The following ANAPC7 variants were observed in gnomAD, a reference collection of about 807,000 sequenced individuals.
ANAPC7 encodes anaphase-promoting complex subunit 7.
Under a neutral mutation model 63.3 loss-of-function variants are expected in ANAPC7, and 25 were observed. The observed-to-expected ratio is 0.39, with a 90% CI of 0.29 to 0.55. The LOEUF (loss-of-function observed/expected upper bound fraction) is 0.55, where lower values mean the gene tolerates loss of function less well. Ranked by LOEUF, ANAPC7 falls within the 20% of genes least tolerant of loss-of-function variation. ANAPC7 has a pLI of 0.57. For synonymous variants in ANAPC7, 241 were observed against 251.7 expected (o/e 0.96, Z 0.40); for missense variants, 516 against 691.7 (o/e 0.75, Z 2.85).
At chr12:110,384,860 G>T (rs1249040797) in intron 6 of ANAPC7, among the ~76,000 whole-genome samples, 1 of 152,134 alleles carries the variant, frequency 6.6e-6, no homozygotes, top group Non-Finnish European at 1.5e-5. Context: ...TCTCTTCCCA[G>T]AGTTCTAGAC....
At chr12:110,377,859 G>T in intron 8 of ANAPC7, 1 of 1,378,304 alleles carries the variant, frequency 7.3e-7, no homozygotes, top group Non-Finnish European at 9.4e-7. Flanking sequence ...GTTTAGGGAA[G>T]GAAACAAGCA....
rs1214983315 is a variant in ANAPC7, at chr12:110,389,982, A to T, written c.409-1359T>A. ...AAACAAAAAAAAAGCCAGAAAATCT[A>T]AAAGTTCCTAAGAATGTAGAAGTTA... On this transcript the variant is annotated intron_variant, in intron 3 of 10. Coordinates refer to ENST00000455511, the MANE Select transcript of ANAPC7 (RefSeq NM_016238.3). Among the ~76,000 whole-genome samples the T allele has an allele frequency of 3.3e-5, 5 of 152,316 alleles. No individual in the cohort carries two copies. In the Middle Eastern group the frequency reaches 0.01, roughly 311 times the overall value.
chr12:110,377,891 G>A (rs1299994035), intron 8 of ANAPC7: 2 of 1,174,416 alleles, frequency 1.7e-6, no homozygotes, highest in African/African-American at 3.1e-5. Flanking sequence ...CCTGCAGCAT[G>A]TGAGCACCCC....
At chr12:110,381,150 C>T (rs1172353048) in intron 8 of ANAPC7, among the ~76,000 whole-genome samples, 2 of 151,848 alleles carry the variant, frequency 1.3e-5, no homozygotes, top group African/African-American at 4.8e-5. Flanking sequence ...GGTGACAAAT[C>T]CAGTGAAAGC....
At position 110,373,070 on chromosome 12, in the gene ANAPC7, C is replaced by G. The variant is rs1349866948; in HGVS notation, c.*1074G>C. 1 of 152,154 alleles carries G rather than the reference C, an allele frequency of 6.6e-6. No individual in the cohort carries two copies. The highest frequency in any genetic ancestry group is 1.5e-5 in the Non-Finnish European group (1 of 68,022). 9.4% of individuals were successfully genotyped at this position (152,154 alleles called of 1,614,324 possible). On this transcript the variant is annotated 3_prime_UTR_variant, in exon 11 of 11. Coordinates refer to ENST00000455511, the MANE Select transcript of ANAPC7 (RefSeq NM_016238.3). Reference sequence around the variant, plus strand: ...GGGATTAGCTGTGACACCCACCCCTCACCTCCGATTAATTGTATACTCAGA... The same window carrying G: ...GGGATTAGCTGTGACACCCACCCCTGACCTCCGATTAATTGTATACTCAGA...
At chr12:110,375,684 T>C (rs2137913435) in intron 10 of ANAPC7, 2 of 947,746 alleles carry the variant, frequency 2.1e-6, no homozygotes, top group Non-Finnish European at 2.5e-6. Context: ...AAGTTCTTAA[T>C]GACTACAGTA....
Position 110,376,152 on chromosome 12 carries a change from G to A in ANAPC7, c.1422C>T (p.Asp474=). Residue 474 remains aspartate (D), a synonymous_variant, in exon 10 of 11, where the codon GAC becomes GAT. Transcript: ENST00000455511. ...CTCCTAGGATCCGATGCAGGACACA[G>A]TCACTCTGATTAGCCAGTGCGTTCC... ...LLRNALANQS[D]CVLHRILGDF... 6.2e-7 allele frequency: 1 copy of A among 1,614,124 alleles called. No individual in the cohort carries two copies. Among genetic ancestry groups the A allele is most frequent in the South Asian group, 1.1e-5 (1 of 91,082 alleles).
In ANAPC7 at chr12:110,386,371, A is replaced by C. The variant is rs1882452162; in HGVS notation, c.773T>G (p.Leu258Arg). The change falls in exon 6 of 11, where the codon CTC becomes CGC. Residue 258 changes from leucine (L) to arginine (R), a missense_variant. By Grantham distance (102) the Leu-to-Arg change is moderately radical. Transcript: ENST00000455511. ...FRAGDNKNSV[L>R]KFEQAQMLDP... is the part of the protein sequence containing the mutation. ...CAACATCTGTGCCTGTTCAAACTTGAGGACAGAGTTTTTATTGTCTCCAGC... is the reference window on the plus strand; with the variant it reads ...CAACATCTGTGCCTGTTCAAACTTGCGGACAGAGTTTTTATTGTCTCCAGC... The C allele has an allele frequency of 1.2e-6, 2 of 1,614,134 alleles. No individual in the cohort carries two copies. Among genetic ancestry groups the C allele is most frequent in the Non-Finnish European group, 1.7e-6 (2 of 1,180,030 alleles).
Position 110,381,026 on chromosome 12 carries a change from G to A in ANAPC7, c.1132+726C>T, listed in dbSNP as rs73417366. On this transcript the variant is annotated intron_variant, in intron 8 of 10. Coordinates refer to ENST00000455511, the MANE Select transcript of ANAPC7 (RefSeq NM_016238.3). ...CAGAGAGATTCATATTAATGAGTACGCCACACTGGATGGGGGCGAGCGGTG... is the reference window on the plus strand; with the variant it reads ...CAGAGAGATTCATATTAATGAGTACACCACACTGGATGGGGGCGAGCGGTG... 2.5e-3 allele frequency among the ~76,000 whole-genome samples: 378 copies of A among 150,622 alleles called. 1 individual carries two copies. The highest frequency in any genetic ancestry group is 8.4e-3 in the African/African-American group (346 of 41,004).
intron 1 of ANAPC7, among the ~76,000 whole-genome samples, chr12:110,400,421 C>T (rs2062212156): frequency 1.3e-5 from 2 of 152,130 alleles, no homozygotes; most frequent in African/African-American, 4.8e-5. Context: ...TATTCCTATT[C>T]CACAAGAAAT....
rs771659945 is a variant in ANAPC7 at position 110,396,399 on chromosome 12, G to A, written c.155C>T (p.Ser52Phe). ...CCGATATTCCTTATCATGAAAGAGA[G>A]AATCTGCATGATACACCAAAAGCTG... ...KYQLLVYHAD[S>F]LFHDKEYRNA... Residue 52 changes from serine (S) to phenylalanine (F), a missense_variant, in exon 2 of 11, where the codon TCT (serine) becomes TTT (phenylalanine). Ser to Phe is a radical substitution (Grantham distance 155). Transcript: ENST00000455511. The A allele has an allele frequency of 6.2e-7, 1 of 1,613,804 alleles. No individual in the cohort carries two copies. The highest frequency in any genetic ancestry group is 8.5e-7 in the Non-Finnish European group (1 of 1,179,900).
intron 4 of ANAPC7, 123 bp from the exon 5 acceptor site, chr12:110,388,015 A>T: frequency 1.0e-6 from 1 of 989,624 alleles, no homozygotes; most frequent in Non-Finnish European, 1.5e-6. Flanking sequence ...TGAGCGATGC[A>T]TGAGAGAAAA....
intron 9 of ANAPC7, among the ~76,000 whole-genome samples, chr12:110,376,428 G>A (rs1343249653): frequency 6.6e-6 from 1 of 151,688 alleles, no homozygotes; most frequent in Non-Finnish European, 1.5e-5. Flanking sequence ...AATTAGCCGG[G>A]CTTGGTGGCA....
intron 10 of ANAPC7, among the ~76,000 whole-genome samples, chr12:110,374,859 C>T (rs947380756): frequency 2.6e-5 from 4 of 152,132 alleles, no homozygotes; most frequent in African/African-American, 7.2e-5. Context: ...ACCCCAGGAC[C>T]CAAGGCTACC....
Position 110,381,796 on chromosome 12 carries a change from C to G in ANAPC7, c.1088G>C (p.Arg363Pro). 1 of 1,613,862 alleles carries G rather than the reference C, an allele frequency of 6.2e-7. No homozygotes were observed. Among genetic ancestry groups the G allele is most frequent in the Non-Finnish European group, 8.5e-7 (1 of 1,179,992 alleles). The change falls in exon 8 of 11, where the codon CGG becomes CCG. Residue 363 changes from arginine (R) to proline (P), a missense_variant. Transcript: ENST00000455511. ...ACAAGGTGCGAGCCGTATGGCCTCCCGAAAGTGGATTATTGCTTCTTGGAC... is the reference window on the plus strand; with the variant it reads ...ACAAGGTGCGAGCCGTATGGCCTCCGGAAAGTGGATTATTGCTTCTTGGAC... ...GRVQEAIIHF[R>P]EAIRLAPCRL...
intron 3 of ANAPC7, among the ~76,000 whole-genome samples, chr12:110,394,620 C>G (rs1389328416): frequency 6.9e-6 from 1 of 145,814 alleles, no homozygotes; most frequent in Non-Finnish European, 1.5e-5. Context: ...TGCAGTGAGC[C>G]CCCATGCTAT....
chr12:110,398,012 G>A (rs1239641488), intron 1 of ANAPC7, among the ~76,000 whole-genome samples: 18 of 152,150 alleles, frequency 1.2e-4, no homozygotes, highest in Admixed American at 9.2e-4. Context: ...TTGGGAGGCC[G>A]AGGCAGGCAG....
At chr12:110,385,197 C>T (rs369251759) in intron 6 of ANAPC7, among the ~76,000 whole-genome samples, 113 of 152,128 alleles carry the variant, frequency 7.4e-4, no homozygotes, top group African/African-American at 2.6e-3. Context: ...AACCAGGAGG[C>T]GGAGGTTGCA....
intron 1 of ANAPC7, among the ~76,000 whole-genome samples, chr12:110,401,074 A>T (rs1000590710): frequency 6.6e-6 from 1 of 152,122 alleles, no homozygotes; most frequent in African/African-American, 2.4e-5. Flanking sequence ...ACAAAACACC[A>T]AAGTGCACTA....
Sources: gnomAD v4.1 joint callset for allele counts (sites outside exome capture counted in the v4.1 genomes callset) on GRCh38, gnomAD v4.1.1 for gene constraint, MANE v1.5 for transcripts, NCBI Gene and HGNC (gene_info 2026-07-23, HGNC 2026-07-21) for gene names.